Variants in PEAK1 observed in about 807,000 individuals in gnomAD.
The protein encoded by PEAK1 is pseudopodium enriched atypical kinase 1, also known as inactive tyrosine-protein kinase PEAK1.
A neutral mutation model predicts 124.7 loss-of-function variants in PEAK1; 54 were observed. That is an observed-to-expected ratio of 0.43 (90% confidence interval 0.35 to 0.54). The LOEUF (loss-of-function observed/expected upper bound fraction) is 0.54, where lower values mean the gene tolerates loss of function less well. Among genes scored for constraint, PEAK1 ranks in the 20% least tolerant of loss-of-function variants. The pLI is 0.01. For synonymous variants in PEAK1, 719 were observed against 760.0 expected (o/e 0.95, Z 0.89); for missense variants, 2,046 against 2,134.5 (o/e 0.96, Z 0.82).
chr15:77,132,648 T>A (rs1397187130), intron 9 of PEAK1, among the ~76,000 whole-genome samples: 1 of 150,044 alleles, frequency 6.7e-6, no homozygotes, highest in African/African-American at 2.5e-5. Context: ...TGAGCCGAGA[T>A]TGCACCATTG....
intron 2 of PEAK1, among the ~76,000 whole-genome samples, chr15:77,359,455 G>T (rs2067742155): frequency 6.7e-6 from 1 of 149,702 alleles, no homozygotes; most frequent in African/African-American, 2.5e-5. Flanking sequence ...AAAAAAAAAC[G>T]GTTTCAGCCA....
chr15:77,166,728 G>A (rs1487455976), intron 7 of PEAK1, among the ~76,000 whole-genome samples: 3 of 152,188 alleles, frequency 2.0e-5, no homozygotes. Context: ...CTGTAGCTTA[G>A]CTCTAAGTGT....
At chr15:77,211,637 T>A (rs2152862936) in intron 6 of PEAK1, among the ~76,000 whole-genome samples, 1 of 152,032 alleles carries the variant, frequency 6.6e-6, no homozygotes, top group Non-Finnish European at 1.5e-5. Flanking sequence ...TCATCTGAGG[T>A]CAGGAGTTTG....
chr15:77,226,069 ATATAT>A (rs2059652089), intron 6 of PEAK1, among the ~76,000 whole-genome samples: 1 of 136,230 alleles, frequency 7.3e-6, no homozygotes, highest in African/African-American at 2.7e-5. Context: ...ATATATATAT[ATATAT>A]ATATATATAT....
At chr15:77,159,452 C>T (rs889222639) in intron 7 of PEAK1, among the ~76,000 whole-genome samples, 3 of 152,220 alleles carry the variant, frequency 2.0e-5, no homozygotes, top group African/African-American at 7.2e-5. Flanking sequence ...ATCTTCCCCA[C>T]TCCCCAATCT....
intron 5 of PEAK1, among the ~76,000 whole-genome samples, chr15:77,275,582 G>A (rs149594045): frequency 2.4e-4 from 36 of 152,102 alleles, no homozygotes; most frequent in African/African-American, 8.0e-4. Flanking sequence ...TGGGTGTGAT[G>A]GTGCGTGCCT....
intron 7 of PEAK1, among the ~76,000 whole-genome samples, chr15:77,175,795 C>A (rs2056824166): frequency 6.6e-6 from 1 of 152,198 alleles, no homozygotes; most frequent in Non-Finnish European, 1.5e-5. Context: ...TATAAAGACA[C>A]ATGCACACGT....
chr15:77,202,802 C>A (rs761294116), intron 6 of PEAK1, among the ~76,000 whole-genome samples: 40 of 151,092 alleles, frequency 2.6e-4, no homozygotes, highest in African/African-American at 9.7e-4. Context: ...TTTGGGAGGC[C>A]GAGGTGGGCA....
chr15:77,172,754 T>A (rs34470437), intron 7 of PEAK1, among the ~76,000 whole-genome samples: 12,828 of 152,168 alleles, frequency 0.084, 621 homozygotes, highest in Non-Finnish European at 0.1. Flanking sequence ...TTAATTTACT[T>A]CATCACCAAG....
chr15:77,142,737 C>T (rs1567022685), intron 8 of PEAK1, among the ~76,000 whole-genome samples: 1 of 152,078 alleles, frequency 6.6e-6, no homozygotes, highest in African/African-American at 2.4e-5. Context: ...TCAAAAATGA[C>T]CACATATTAT....
At chr15:77,397,044 T>C (rs1035039794) in intron 1 of PEAK1, among the ~76,000 whole-genome samples, 2 of 152,204 alleles carry the variant, frequency 1.3e-5, no homozygotes, top group Non-Finnish European at 2.9e-5. Flanking sequence ...TTCTCAAGGA[T>C]AGGTCATATG....
chr15:77,326,037 A>G (rs2065556651), intron 2 of PEAK1, among the ~76,000 whole-genome samples: 1 of 152,124 alleles, frequency 6.6e-6, no homozygotes, highest in African/African-American at 2.4e-5. Flanking sequence ...ATATAGTTTG[A>G]ATTTGTTTAC....
At chr15:77,302,030 C>G (rs1033248754) in intron 2 of PEAK1, among the ~76,000 whole-genome samples, 4 of 152,028 alleles carry the variant, frequency 2.6e-5, no homozygotes, top group Non-Finnish European at 5.9e-5. Flanking sequence ...TTGACATACT[C>G]CTATCGTTGT....
At chr15:77,361,444 A>G (rs2067879322) in intron 2 of PEAK1, among the ~76,000 whole-genome samples, 1 of 152,124 alleles carries the variant, frequency 6.6e-6, no homozygotes, top group Admixed American at 6.5e-5. Context: ...GTCTCAGAAA[A>G]ACCAAAAACA....
chr15:77,322,317 T>A (rs1222194327), intron 2 of PEAK1, among the ~76,000 whole-genome samples: 4 of 152,006 alleles, frequency 2.6e-5, no homozygotes, highest in African/African-American at 9.7e-5. Flanking sequence ...AAAAAACCCT[T>A]CAAAAAATCA....
At chr15:77,247,480 C>CT (rs1567162937) in intron 6 of PEAK1, among the ~76,000 whole-genome samples, 36 of 78,186 alleles carry the variant, frequency 4.6e-4, no homozygotes, top group African/African-American at 1.1e-3. Context: ...TTTTTCTTTT[C>CT]TTTTCTTTTT....
chr15:77,272,361 T>C (rs2062082526), intron 5 of PEAK1, among the ~76,000 whole-genome samples: 1 of 152,044 alleles, frequency 6.6e-6, no homozygotes, highest in East Asian at 1.9e-4. Flanking sequence ...TGATAGACCA[T>C]TAGTGAGATT....
At chr15:77,328,581 C>T (rs1296086655) in intron 2 of PEAK1, among the ~76,000 whole-genome samples, 1 of 152,132 alleles carries the variant, frequency 6.6e-6, no homozygotes, top group East Asian at 1.9e-4. Flanking sequence ...GCTAGAGGAA[C>T]ACTGTAAGAA....
chr15:77,183,848 G>T (rs1248074888), intron 6 of PEAK1, among the ~76,000 whole-genome samples: 1 of 151,564 alleles, frequency 6.6e-6, no homozygotes, highest in Non-Finnish European at 1.5e-5. Context: ...TTTTTTTTGA[G>T]ACAGGATCTC....
Sources: allele counts gnomAD v4.1 joint callset (sites outside exome capture counted in the v4.1 genomes callset), GRCh38; gene constraint gnomAD v4.1.1; transcripts MANE v1.5; gene names NCBI Gene and HGNC (gene_info 2026-07-23, HGNC 2026-07-21).